Variants in HECW2 observed in about 807,000 individuals in gnomAD.
HECW2 encodes HECT, C2 and WW domain containing E3 ubiquitin protein ligase 2.
A neutral mutation model predicts 175.2 loss-of-function variants in HECW2; 61 were observed. The ratio of observed to expected loss-of-function variants is 0.35; its 90% confidence interval spans 0.28 to 0.43. The LOEUF (loss-of-function observed/expected upper bound fraction) is 0.43, where lower values mean the gene tolerates loss of function less well. Among genes scored for constraint, HECW2 ranks in the 20% least tolerant of loss-of-function variants. HECW2 has a pLI of 1.00. For synonymous variants in HECW2, 671 were observed against 731.0 expected, an observed-to-expected ratio of 0.92 and a Z score of 1.32; for missense variants, 1,524 against 2,000.5, an observed-to-expected ratio of 0.76 and a Z score of 4.54.
At chr2:196,519,553 T>C (rs1400152900) in intron 1 of HECW2, among the ~76,000 whole-genome samples, 1 of 152,072 alleles carries the variant, frequency 6.6e-6, no homozygotes, top group African/African-American at 2.4e-5. Flanking sequence ...AGAAAAAAAA[T>C]TTTGTTCTTG....
At chr2:196,523,374 G>C (rs1232318185) in intron 1 of HECW2, among the ~76,000 whole-genome samples, 1 of 151,844 alleles carries the variant, frequency 6.6e-6, no homozygotes, top group Non-Finnish European at 1.5e-5. Flanking sequence ...GGAGATTTTG[G>C]GCTGAGACAA....
intron 16 of HECW2, among the ~76,000 whole-genome samples, chr2:196,273,268 C>T (rs1159151230): frequency 6.6e-6 from 1 of 151,872 alleles, no homozygotes; most frequent in Non-Finnish European, 1.5e-5. Context: ...GGGGTTTCAC[C>T]GTGTTAGCCA....
intron 1 of HECW2, among the ~76,000 whole-genome samples, chr2:196,566,139 C>T: frequency 6.6e-6 from 1 of 151,898 alleles, no homozygotes; most frequent in East Asian, 1.9e-4. Flanking sequence ...AAAAAACTAA[C>T]TAAAATTTTT....
At position 196,329,658 on chromosome 2, in the gene HECW2, G is replaced by GA. The variant is rs1559045845; in HGVS notation, c.496-9dup. On this transcript the variant is annotated splice_polypyrimidine_tract_variant and intron_variant, in intron 4 of 28. Coordinates refer to ENST00000644978, the MANE Select transcript of HECW2 (RefSeq NM_001348768.2). The stretch of plus-strand genomic sequence containing the variant: ...CATGCCTTCTGCCCCCATCTGAAAA[G>GA]AAAAAACATGCATCTGAAGTTTCAG... 5 of 1,612,160 alleles carry GA rather than the reference G, an allele frequency of 3.1e-6. No individual in the cohort carries two copies. Among genetic ancestry groups the GA allele is most frequent in the Admixed American group, 3.3e-5 (2 of 59,938 alleles).
chr2:196,567,585 A>G (rs960981079), intron 1 of HECW2, among the ~76,000 whole-genome samples: 1 of 152,264 alleles, frequency 6.6e-6, no homozygotes, highest in Non-Finnish European at 1.5e-5. Flanking sequence ...ACATGCCTAT[A>G]GAGCCTATTG....
At chr2:196,499,973 T>C (rs1041536789) in intron 1 of HECW2, among the ~76,000 whole-genome samples, 2 of 152,204 alleles carry the variant, frequency 1.3e-5, no homozygotes, top group African/African-American at 4.8e-5. Flanking sequence ...ATTTATACTC[T>C]TTTCTATACA....
chr2:196,573,990 G>A (rs1690473424), intron 1 of HECW2, among the ~76,000 whole-genome samples: 1 of 151,786 alleles, frequency 6.6e-6, no homozygotes, highest in African/African-American at 2.4e-5. Flanking sequence ...AGACCAGCCT[G>A]GGTAATACAG....
At chr2:196,558,656 G>T (rs1689890421) in intron 1 of HECW2, among the ~76,000 whole-genome samples, 1 of 152,186 alleles carries the variant, frequency 6.6e-6, no homozygotes, top group Admixed American at 6.5e-5. Flanking sequence ...TGTGTAAAAT[G>T]GAATATTCTC....
chr2:196,413,447 G>A (rs1695170108), intron 2 of HECW2, among the ~76,000 whole-genome samples: 1 of 152,104 alleles, frequency 6.6e-6, no homozygotes, highest in Non-Finnish European at 1.5e-5. Flanking sequence ...CCAGGTTCAA[G>A]CAATTCTCCC....
At chr2:196,456,528 T>A (rs1353391603) in intron 1 of HECW2, among the ~76,000 whole-genome samples, 2 of 152,124 alleles carry the variant, frequency 1.3e-5, no homozygotes, top group Admixed American at 1.3e-4. Flanking sequence ...TGGAGAAAGG[T>A]TGGGGAAGCT....
Position 196,319,113 on chromosome 2 carries a change from T to C in HECW2, c.1777A>G (p.Arg593Gly), listed in dbSNP as rs1294398847. 2 of 1,594,518 alleles carry C rather than the reference T, an allele frequency of 1.3e-6. No homozygotes were observed. Among genetic ancestry groups the C allele is most frequent in the Non-Finnish European group, 1.7e-6 (2 of 1,170,468 alleles). The change falls in exon 9 of 29, where the codon AGA (arginine) becomes GGA (glycine). Residue 593 changes from arginine to glycine, a missense_variant. Coordinates refer to ENST00000644978, the MANE Select transcript of HECW2 (RefSeq NM_001348768.2). ...AGAGACTCGGTCTCACTGACGGCTC[T>C]TCGGCTTCCTCCTGATGCATCGGAA... is the stretch of plus-strand genomic sequence containing the variant. ...GTSDASGGSRRAVSETESLDQ... is the reference protein window; with the variant it reads ...GTSDASGGSRGAVSETESLDQ...
Position 196,220,121 on chromosome 2 carries a change from A to G in HECW2, c.4326T>C (p.Asp1442=). 6.2e-7 allele frequency: 1 copy of G among 1,613,568 alleles called. No homozygotes were observed. The highest frequency in any genetic ancestry group is 1.1e-5 in the South Asian group (1 of 91,082). The change falls in exon 26 of 29, where the codon GAT becomes GAC. Residue 1442 remains aspartate (D), a synonymous_variant. Coordinates refer to ENST00000644978, the MANE Select transcript of HECW2 (RefSeq NM_001348768.2). ...VVDARLVSVF[D]ARELELVIAG... is the part of the protein sequence containing the mutation. ...CGATGACCAATTCCAGTTCTCTTGC[A>G]TCAAAAACAGATACCAGCCTGGCAT... is the stretch of plus-strand genomic sequence containing the variant.
intron 2 of HECW2, among the ~76,000 whole-genome samples, chr2:196,399,291 A>G (rs1314903458): frequency 6.6e-6 from 1 of 152,194 alleles, no homozygotes; most frequent in African/African-American, 2.4e-5. Context: ...TGGTAATTCT[A>G]ACATCATTTC....
At chr2:196,394,426 G>A (rs1694604210) in intron 2 of HECW2, among the ~76,000 whole-genome samples, 1 of 152,084 alleles carries the variant, frequency 6.6e-6, no homozygotes, top group South Asian at 2.1e-4. Flanking sequence ...ATTAGATAGA[G>A]AGAAACTAAA....
chr2:196,544,373 A>G (rs1656314932), intron 1 of HECW2, among the ~76,000 whole-genome samples: 2 of 152,278 alleles, frequency 1.3e-5, no homozygotes, highest in African/African-American at 4.8e-5. Context: ...GCTAAGAAAC[A>G]TGAGTCCCTC....
intron 3 of HECW2, among the ~76,000 whole-genome samples, chr2:196,339,579 T>C (rs1692672281): frequency 6.6e-6 from 1 of 152,106 alleles, no homozygotes; most frequent in South Asian, 2.1e-4. Flanking sequence ...TCAATGAATA[T>C]TTCAGGATAG....
chr2:196,590,098 G>A (rs1025720457), intron 1 of HECW2, among the ~76,000 whole-genome samples: 3 of 152,024 alleles, frequency 2.0e-5, no homozygotes, highest in African/African-American at 7.2e-5. Context: ...ATCTGGTGTC[G>A]GAAGAGGGGT....
intron 23 of HECW2, 59 bp downstream of exon 23, chr2:196,225,713 C>A (rs1373051904): frequency 2.7e-6 from 3 of 1,118,996 alleles, no homozygotes; most frequent in African/African-American, 3.1e-5. Context: ...AGAATTTTTT[C>A]AAAAAAGTAA....
intron 2 of HECW2, among the ~76,000 whole-genome samples, chr2:196,368,543 T>C (rs970479665): frequency 2.0e-5 from 3 of 152,190 alleles, no homozygotes; most frequent in Non-Finnish European, 4.4e-5. Context: ...AGGTTTTCTG[T>C]TATTATCTCT....
Sources: allele counts gnomAD v4.1 joint callset (sites outside exome capture counted in the v4.1 genomes callset), GRCh38; gene constraint gnomAD v4.1.1; transcripts MANE v1.5; gene names NCBI Gene and HGNC (gene_info 2026-07-23, HGNC 2026-07-21).